The following MMS22L variants were observed in gnomAD, a reference collection of about 807,000 sequenced individuals.
The protein encoded by MMS22L is MMS22 like, DNA repair protein.
A neutral mutation model predicts 159.1 loss-of-function variants in MMS22L; 74 were observed. The ratio of observed to expected loss-of-function variants is 0.47; its 90% CI spans 0.39 to 0.56. The LOEUF is 0.56. Ranked by LOEUF, MMS22L falls within the 20% of genes least tolerant of loss-of-function variation. The pLI, the probability that MMS22L is intolerant of heterozygous loss-of-function variation, is 0.00. For synonymous variants in MMS22L, 517 were observed against 506.9 expected, an observed-to-expected ratio of 1.02 and a Z score of -0.27; for missense variants, 1,351 against 1,422.1, an observed-to-expected ratio of 0.95 and a Z score of 0.80.
intron 7 of MMS22L, 41 bp downstream of exon 7, chr6:97,269,861 T>C: frequency 2.8e-6 from 4 of 1,420,518 alleles, no homozygotes; most frequent in Non-Finnish European, 1.9e-6. Flanking sequence ...CAATAAAAGC[T>C]GATTTTAAAA....
At chr6:97,240,289 T>C (rs1478102762) in intron 11 of MMS22L, among the ~76,000 whole-genome samples, 1 of 152,226 alleles carries the variant, frequency 6.6e-6, no homozygotes, top group Non-Finnish European at 1.5e-5. Flanking sequence ...TACTTCTTCA[T>C]AAATATTATA....
At chr6:97,234,427 C>T (rs764098860) in intron 11 of MMS22L, among the ~76,000 whole-genome samples, 9 of 152,096 alleles carry the variant, frequency 5.9e-5, no homozygotes, top group Non-Finnish European at 1.2e-4. Flanking sequence ...AAAGGATTGT[C>T]AGAGTACATC....
At chr6:97,225,280 T>G (rs1260724572) in intron 14 of MMS22L, among the ~76,000 whole-genome samples, 1 of 152,182 alleles carries the variant, frequency 6.6e-6, no homozygotes, top group Non-Finnish European at 1.5e-5. Context: ...CTTTGTATTT[T>G]TAATGTCTAT....
chr6:97,198,041 A>G (rs1806728311), intron 14 of MMS22L, among the ~76,000 whole-genome samples: 1 of 152,184 alleles, frequency 6.6e-6, no homozygotes. Flanking sequence ...TGATTTGACC[A>G]AAGAGCACAG....
At position 97,182,069 on chromosome 6, in the gene MMS22L, A is replaced by T. The variant is rs1804775222; in HGVS notation, c.2234-15T>A. ...CAAAGTAAAGTCTAGATTCAAAATGAGAGAAACTTAAAGTCAGGAATCTTT... is the reference window on the plus strand; with the variant it reads ...CAAAGTAAAGTCTAGATTCAAAATGTGAGAAACTTAAAGTCAGGAATCTTT... On this transcript the variant is annotated splice_polypyrimidine_tract_variant and intron_variant, in intron 15 of 24. Coordinates refer to ENST00000683635, the MANE Select transcript of MMS22L (RefSeq NM_001350599.2). 6.2e-7 allele frequency: 1 copy of T among 1,600,492 alleles called. No individual in the cohort carries two copies. The highest frequency in any genetic ancestry group is 1.3e-5 in the African/African-American group (1 of 74,080).
chr6:97,181,900 G>A lies in MMS22L; in HGVS notation c.2384+4C>T, dbSNP rs114735066. 18 of 1,610,146 alleles carry A rather than the reference G, an allele frequency of 1.1e-5. No homozygotes were observed. The highest frequency in any genetic ancestry group is 4.5e-5 in the East Asian group (2 of 44,838). On this transcript the variant is annotated splice_donor_region_variant and intron_variant, in intron 16 of 24. Transcript: ENST00000683635. ...ATGTGTATGCCTGAAATAAAAGCAC[G>A]TACCTATTTTGTAGGACATGACTTA... is the stretch of plus-strand genomic sequence containing the variant.
chr6:97,197,033 A>T (rs973777760), intron 14 of MMS22L, among the ~76,000 whole-genome samples: 2 of 152,084 alleles, frequency 1.3e-5, no homozygotes, highest in African/African-American at 2.4e-5. Context: ...ATGACCAACA[A>T]GTTATAGTCC....
intron 15 of MMS22L, among the ~76,000 whole-genome samples, chr6:97,182,440 AC>A (rs200829901): frequency 0.014 from 2,067 of 152,290 alleles, 26 homozygotes; most frequent in Non-Finnish European, 0.022. Context: ...GTCATCTGCC[AC>A]AGGTGAACAG....
chr6:97,146,997 C>T lies in MMS22L; in HGVS notation c.3651-110G>A, dbSNP rs1422476292. 1.0e-5 allele frequency: 7 copies of T among 699,916 alleles called. 1 individual carries two copies. Among genetic ancestry groups the T allele is most frequent in the African/African-American group, 5.7e-5 (3 of 52,250 alleles). 43.4% of individuals were successfully genotyped at this position (699,916 alleles called of 1,614,324 possible). A position where few individuals can be genotyped will look rare whatever the true frequency, so the allele number is the denominator to read the frequency against. On this transcript the variant is annotated intron_variant, in intron 24 of 24. Coordinates refer to ENST00000683635, the MANE Select transcript of MMS22L (RefSeq NM_001350599.2). ...TCATCCATCCATCCATCTATTCAGC[C>T]ATCCATCCAGCAGGCTTAGCACAAC...
chr6:97,150,192 G>A (rs966232415), intron 23 of MMS22L, among the ~76,000 whole-genome samples, 172 bp from the exon 24 acceptor site: 1 of 152,122 alleles, frequency 6.6e-6, no homozygotes, highest in Admixed American at 6.6e-5. Flanking sequence ...ATAAAGAATT[G>A]AAGTGGCTTA....
chr6:97,217,307 G>A (rs575109752), intron 14 of MMS22L, among the ~76,000 whole-genome samples: 81 of 152,074 alleles, frequency 5.3e-4, no homozygotes, highest in Non-Finnish European at 8.5e-4. Context: ...GTGCAATGGC[G>A]CATTCTCGGC....
intron 14 of MMS22L, among the ~76,000 whole-genome samples, chr6:97,221,437 T>G (rs186600091): frequency 3.4e-4 from 51 of 152,210 alleles, no homozygotes; most frequent in Non-Finnish European, 5.9e-5. Flanking sequence ...GTAGTTTATA[T>G]TACTGCATGG....
At chr6:97,264,948 T>C (rs1426133868) in intron 8 of MMS22L, 3 of 152,100 alleles carry the variant, frequency 2.0e-5, no homozygotes, top group Non-Finnish European at 2.9e-5. Flanking sequence ...GAAGAAATAT[T>C]GTTAAAATGT....
chr6:97,250,844 C>G (rs909850770), intron 10 of MMS22L, among the ~76,000 whole-genome samples: 5 of 152,148 alleles, frequency 3.3e-5, no homozygotes, highest in Non-Finnish European at 7.4e-5. Context: ...TGGTGAAGAA[C>G]ACATGACTAG....
At chr6:97,232,842 A>T (rs1418426271) in intron 12 of MMS22L, among the ~76,000 whole-genome samples, 1 of 152,114 alleles carries the variant, frequency 6.6e-6, no homozygotes, top group Non-Finnish European at 1.5e-5. Flanking sequence ...TTTGATTGAG[A>T]GGTTCACTAA....
chr6:97,201,990 A>G (rs1379637840), intron 14 of MMS22L, among the ~76,000 whole-genome samples: 1 of 152,230 alleles, frequency 6.6e-6, no homozygotes, highest in Non-Finnish European at 1.5e-5. Flanking sequence ...ATGTTTCCAC[A>G]GTAACATTTT....
In MMS22L at chr6:97,254,843, T is replaced by C. The variant is rs573855281; in HGVS notation, c.943-110A>G. 7.7e-6 allele frequency: 6 copies of C among 782,286 alleles called. No individual in the cohort carries two copies. In the African/African-American group the frequency reaches 8.9e-5, roughly 12 times the overall value. 48.5% of individuals were successfully genotyped at this position (782,286 alleles called of 1,614,324 possible). The stretch of plus-strand genomic sequence containing the variant: ...GCATATATACAAAAGACAAAACACA[T>C]ATATAAAACTGAAATAATAAAAATG... On this transcript the variant is annotated intron_variant, in intron 9 of 24. Transcript: ENST00000683635.
At chr6:97,264,720 A>G (rs1814902775) in intron 8 of MMS22L, 2 of 152,188 alleles carry the variant, frequency 1.3e-5, no homozygotes, top group Non-Finnish European at 1.5e-5. Flanking sequence ...ATCAACATAC[A>G]AAATACCATA....
intron 10 of MMS22L, among the ~76,000 whole-genome samples, chr6:97,249,287 G>A (rs1812991047): frequency 6.6e-6 from 1 of 152,160 alleles, no homozygotes; most frequent in Non-Finnish European, 1.5e-5. Context: ...TTCCACATTT[G>A]GTACTTCTGG....
Sources: allele counts gnomAD v4.1 joint callset (sites outside exome capture counted in the v4.1 genomes callset), GRCh38; gene constraint gnomAD v4.1.1; transcripts MANE v1.5; gene names NCBI Gene and HGNC (gene_info 2026-07-23, HGNC 2026-07-21).